The following ENOX2 variants were observed in gnomAD, a reference collection of about 807,000 sequenced individuals.
ENOX2 encodes ecto-NOX disulfide-thiol exchanger 2.
A neutral mutation model predicts 45.0 loss-of-function variants in ENOX2; 36 were observed. The ratio of observed to expected loss-of-function variants is 0.80; its 90% CI spans 0.61 to 1.06. The LOEUF (loss-of-function observed/expected upper bound fraction) is 1.06. Among genes scored for constraint, ENOX2 ranks in the 50% least tolerant of loss-of-function variants. The probability of loss-of-function intolerance (pLI) is 0.00; values close to 1 mark genes in which losing one functional copy is unlikely to be tolerated. For missense variants in ENOX2, 423 were observed against 462.5 expected (o/e 0.91, Z 0.78); for synonymous variants, 174 against 152.3 (o/e 1.14, Z -1.05).
At chrX:130,799,027 A>C (rs2077176513) in intron 2 of ENOX2, among the ~76,000 whole-genome samples, 1 of 112,080 alleles carries the variant, frequency 8.9e-6, no homozygotes, top group Non-Finnish European at 1.9e-5. Context: ...AATAGATTGA[A>C]GGATACAAAG....
chrX:130,742,401 A>G (rs1049783466), intron 3 of ENOX2, among the ~76,000 whole-genome samples: 1 of 108,892 alleles, frequency 9.2e-6, no homozygotes. Flanking sequence ...GAAGAATTGT[A>G]CTCAAAGAGT....
In ENOX2 at chrX:130,634,975, T is replaced by C; in HGVS notation, c.1419+9A>G. The C allele has an allele frequency of 1.0e-6, 1 of 988,627 alleles. No homozygotes were observed. Among genetic ancestry groups the C allele is most frequent in the Admixed American group, 2.3e-5 (1 of 43,717 alleles). The allele number at this position is 988,627 out of a possible 1,213,427, so 81.5% of individuals were successfully genotyped here. A position where few individuals can be genotyped will look rare whatever the true frequency, so the allele number is the denominator to read the frequency against. On this transcript the variant is annotated intron_variant, in intron 12 of 14. Transcript: ENST00000394363. ...GGCAAGGAAAAAGGTTCACTTAGGG[T>C]GCATGTACCTTTTCTTTAAGATTTT...
At chrX:130,656,218 CTGT>C (rs747768949) in intron 10 of ENOX2, among the ~76,000 whole-genome samples, 1 of 112,618 alleles carries the variant, frequency 8.9e-6, no homozygotes, top group Non-Finnish European at 1.9e-5. Context: ...AGGGTATTAT[CTGT>C]TGTTCAAAAA....
At position 130,753,557 on chromosome X, in the gene ENOX2, T is replaced by C. The variant is rs1166236034; in HGVS notation, c.-39+29990A>G. Reference sequence around the variant, plus strand: ...CCACCTCTGTCCATTCCTATCTTTATATTCGCCTGTCTATCTCCCTCTGGC... The same window carrying C: ...CCACCTCTGTCCATTCCTATCTTTACATTCGCCTGTCTATCTCCCTCTGGC... On this transcript the variant is annotated intron_variant, in intron 3 of 14. Coordinates refer to ENST00000394363, the MANE Select transcript of ENOX2 (RefSeq NM_006375.4). Among the ~76,000 whole-genome samples the C allele has an allele frequency of 4.6e-5, 5 of 109,817 alleles. No individual in the cohort carries two copies. The Admixed American group carries it at 4.9e-4, about 11-fold the overall frequency.
intron 9 of ENOX2, 100 bp from the exon 10 acceptor site, chrX:130,656,795 T>A: frequency 3.9e-6 from 2 of 512,283 alleles, no homozygotes; most frequent in Non-Finnish European, 6.6e-6. Context: ...TTTTTTGACA[T>A]ATTAGGAAAA....
chrX:130,631,421 A>G lies in ENOX2; in HGVS notation c.1528+47T>C, dbSNP rs758181021. 8.3e-6 allele frequency: 6 copies of G among 724,460 alleles called. No individual in the cohort carries two copies. In the African/African-American group the frequency reaches 1.3e-4, roughly 15 times the overall value. 59.7% of individuals were successfully genotyped at this position (724,460 alleles called of 1,213,427 possible). A position where few individuals can be genotyped will look rare whatever the true frequency, so the allele number is the denominator to read the frequency against. On this transcript the variant is annotated intron_variant, in intron 13 of 14. Transcript: ENST00000394363. ...CTTAGGTAAAGCCCTCCTCTCCTCC[A>G]TTGTACCCAGGCATTGTACGTGGCA...
Position 130,815,120 on chromosome X carries a change from G to A in ENOX2, c.-182-31430C>T, listed in dbSNP as rs755520719. 1.6e-4 allele frequency among the ~76,000 whole-genome samples: 18 copies of A among 111,625 alleles called. 1 individual carries two copies. The South Asian group carries it at 6.1e-3, about 38-fold the overall frequency. ...GAAGCATACACAAGTATCAATAGCCGAGTCGATCAAGAGGAAGAAAGGACA... is the reference window on the plus strand; with the variant it reads ...GAAGCATACACAAGTATCAATAGCCAAGTCGATCAAGAGGAAGAAAGGACA... On this transcript the variant is annotated intron_variant, in intron 2 of 14. Transcript: ENST00000394363.
intron 2 of ENOX2, among the ~76,000 whole-genome samples, chrX:130,840,436 A>G (rs939589672): frequency 9.1e-6 from 1 of 110,241 alleles, no homozygotes; most frequent in African/African-American, 3.3e-5. Context: ...GAAACCAATA[A>G]TAATTATTAA....
intron 2 of ENOX2, among the ~76,000 whole-genome samples, chrX:130,883,057 T>C (rs906486870): frequency 1.8e-5 from 2 of 112,551 alleles, no homozygotes; most frequent in Non-Finnish European, 3.8e-5. Context: ...ATTTATAACA[T>C]GATCTGGCAC....
At chrX:130,705,498 T>C (rs1289494525) in intron 3 of ENOX2, among the ~76,000 whole-genome samples, 3 of 112,247 alleles carry the variant, frequency 2.7e-5, no homozygotes, top group Non-Finnish European at 5.6e-5. Context: ...GAGTTCCTGG[T>C]ATGCTTGTTT....
intron 4 of ENOX2, among the ~76,000 whole-genome samples, chrX:130,689,708 G>A (rs1350093514): frequency 8.9e-6 from 1 of 111,736 alleles, no homozygotes; most frequent in Non-Finnish European, 1.9e-5. Flanking sequence ...GATAATTCTG[G>A]TTCATTCTTG....
Position 130,665,642 on chromosome X carries a change from C to T in ENOX2, c.1014+1G>A. On this transcript the variant is annotated splice_donor_variant, in intron 9 of 14. Transcript: ENST00000394363. LOFTEE classifies it high-confidence loss of function. ...GGCTACCAGAATAAAAAGTTACCAACCTCAGCTTGTTTGCACCACACGCTG... is the reference window on the plus strand; with the variant it reads ...GGCTACCAGAATAAAAAGTTACCAATCTCAGCTTGTTTGCACCACACGCTG... The T allele has an allele frequency of 8.4e-7, 1 of 1,187,431 alleles. No homozygotes were observed. Among genetic ancestry groups the T allele is most frequent in the Non-Finnish European group, 1.1e-6 (1 of 877,825 alleles).
At chrX:130,653,231 G>C (rs1011066244) in intron 10 of ENOX2, among the ~76,000 whole-genome samples, 3 of 111,150 alleles carry the variant, frequency 2.7e-5, no homozygotes, top group Non-Finnish European at 5.7e-5. Context: ...CCTTCACTCC[G>C]GTCCCACCCT....
At chrX:130,863,526 T>C (rs951733417) in intron 2 of ENOX2, among the ~76,000 whole-genome samples, 1 of 112,455 alleles carries the variant, frequency 8.9e-6, no homozygotes, top group African/African-American at 3.2e-5. Flanking sequence ...ATCTTTTATT[T>C]TGAGTAAATG....
chrX:130,869,633 T>C (rs1043534477), intron 2 of ENOX2, among the ~76,000 whole-genome samples: 3 of 112,295 alleles, frequency 2.7e-5, no homozygotes, highest in African/African-American at 9.7e-5. Flanking sequence ...CAAAGCCACA[T>C]TGATCATTGG....
intron 7 of ENOX2, among the ~76,000 whole-genome samples, chrX:130,668,085 G>C (rs1178756681): frequency 9.1e-6 from 1 of 110,130 alleles, no homozygotes; most frequent in African/African-American, 3.3e-5. Context: ...GTGAGAGAGA[G>C]AGAGAGAGAG....
chrX:130,821,723 TA>T (rs1569505775), intron 2 of ENOX2, among the ~76,000 whole-genome samples: 1 of 17,467 alleles, frequency 5.7e-5, no homozygotes, highest in Non-Finnish European at 1.1e-4. Flanking sequence ...AATAAATAAA[TA>T]AAAATAAATA....
intron 2 of ENOX2, among the ~76,000 whole-genome samples, chrX:130,874,166 G>T (rs2078652076): frequency 8.9e-6 from 1 of 112,281 alleles, no homozygotes; most frequent in South Asian, 3.7e-4. Flanking sequence ...TTAAGGACTA[G>T]CTTTCTATTC....
chrX:130,878,529 C>T (rs2078749089), intron 2 of ENOX2, among the ~76,000 whole-genome samples: 1 of 111,354 alleles, frequency 9.0e-6, no homozygotes, highest in African/African-American at 3.3e-5. Context: ...TCAAAAGAGC[C>T]GTGAGTGCCA....
Sources: allele counts gnomAD v4.1 joint callset (sites outside exome capture counted in the v4.1 genomes callset), GRCh38; gene constraint gnomAD v4.1.1; transcripts MANE v1.5; gene names NCBI Gene and HGNC (gene_info 2026-07-23, HGNC 2026-07-21).